JAM2: variants seen among roughly 807,000 people sequenced by gnomAD.
The protein encoded by JAM2 is junctional adhesion molecule 2.
JAM2 carries 17 observed loss-of-function variants against 42.0 expected under a neutral mutation model. The ratio of observed to expected loss-of-function variants is 0.40; its 90% confidence interval spans 0.28 to 0.61. The LOEUF is 0.61. Ranked by LOEUF, JAM2 falls within the 20% of genes least tolerant of loss-of-function variation. The pLI is 0.37. For missense variants in JAM2, 319 were observed against 358.3 expected (o/e 0.89, Z 0.89); for synonymous variants, 118 against 128.6 (o/e 0.92, Z 0.56).
At chr21:25,645,299 C>G (rs954051831) in intron 1 of JAM2, among the ~76,000 whole-genome samples, 1 of 152,198 alleles carries the variant, frequency 6.6e-6, no homozygotes. Context: ...AGGTTAACAC[C>G]TGTATTATGT....
At chr21:25,640,751 C>T (rs1197522689) in intron 1 of JAM2, among the ~76,000 whole-genome samples, 1 of 152,162 alleles carries the variant, frequency 6.6e-6, no homozygotes, top group Non-Finnish European at 1.5e-5. Context: ...TTTTTTCTCT[C>T]ACCTTTTTTG....
intron 1 of JAM2, among the ~76,000 whole-genome samples, chr21:25,667,834 C>T (rs1311009005): frequency 3.9e-5 from 6 of 152,036 alleles, no homozygotes; most frequent in Admixed American, 3.3e-4. Flanking sequence ...AGTACATAAA[C>T]ACATATATAA....
At chr21:25,648,937 C>T (rs980697031) in intron 1 of JAM2, among the ~76,000 whole-genome samples, 1 of 152,168 alleles carries the variant, frequency 6.6e-6, no homozygotes, top group Non-Finnish European at 1.5e-5. Context: ...AACCTCAAGA[C>T]ATATGTAAAA....
intron 1 of JAM2, among the ~76,000 whole-genome samples, chr21:25,674,192 G>C (rs1017879156): frequency 6.6e-6 from 1 of 152,040 alleles, no homozygotes; most frequent in Admixed American, 6.6e-5. Flanking sequence ...TCAGGAGTTC[G>C]AGACCAGCCT....
chr21:25,642,275 C>T lies in JAM2; in HGVS notation c.67+2387C>T, dbSNP rs148606296. ...GAGTATCTTCATAAATTATTTGGAG[C>T]TCTTCTGCATGGGAGATGGGTCTCT... On this transcript the variant is annotated intron_variant, in intron 1 of 9. Transcript: ENST00000480456. 3.6e-3 allele frequency among the ~76,000 whole-genome samples: 551 copies of T among 152,166 alleles called. 4 individuals carry two copies. Among genetic ancestry groups the T allele is most frequent in the African/African-American group, 0.013 (523 of 41,498 alleles).
Position 25,678,082 on chromosome 21 carries a change from C to T in JAM2, c.68-5801C>T, listed in dbSNP as rs12481863. Among the ~76,000 whole-genome samples the T allele has an allele frequency of 9.4e-3, 1,424 of 152,016 alleles. 30 individuals are homozygous for T. Among genetic ancestry groups the T allele is most frequent in the Admixed American group, 0.046 (704 of 15,252 alleles). Reference sequence around the variant, plus strand: ...CTCTACTAAAAATACAAAAATTAGCCGGGTGTGGTGACGCATGCCTGTAAT... The same window carrying T: ...CTCTACTAAAAATACAAAAATTAGCTGGGTGTGGTGACGCATGCCTGTAAT... On this transcript the variant is annotated intron_variant, in intron 1 of 9. Transcript: ENST00000480456.
intron 6 of JAM2, among the ~76,000 whole-genome samples, chr21:25,704,238 A>G (rs2034226906): frequency 6.6e-6 from 1 of 152,106 alleles, no homozygotes; most frequent in African/African-American, 2.4e-5. Flanking sequence ...GCTCTTTTTA[A>G]TCCAAGTAAA....
intron 6 of JAM2, among the ~76,000 whole-genome samples, chr21:25,703,572 C>T (rs1451552343): frequency 1.3e-5 from 2 of 151,830 alleles, no homozygotes; most frequent in Admixed American, 6.6e-5. Context: ...TCACATGTAA[C>T]CAAAATTAGA....
intron 1 of JAM2, among the ~76,000 whole-genome samples, chr21:25,665,509 A>T (rs2033195323): frequency 6.6e-6 from 1 of 152,178 alleles, no homozygotes; most frequent in Non-Finnish European, 1.5e-5. Flanking sequence ...ATGTGTGTGC[A>T]TGTATGTACA....
At position 25,712,346 on chromosome 21, in the gene JAM2, T is replaced by A; in HGVS notation, c.828T>A (p.Ser276Arg). Reference protein sequence around the residue: ...YFSKETSFQKSNSSSKATTMS... With the variant: ...YFSKETSFQKRNSSSKATTMS... ...TTTTATATTCCACAAACAGGAAGAGTAATTCTTCATCTAAAGCCACGACAA... is the reference window on the plus strand; with the variant it reads ...TTTTATATTCCACAAACAGGAAGAGAAATTCTTCATCTAAAGCCACGACAA... Residue 276 changes from serine to arginine, a missense_variant, in exon 9 of 10, where the codon AGT becomes AGA. Transcript: ENST00000480456. The A allele has an allele frequency of 1.3e-6, 2 of 1,589,166 alleles. No homozygotes were observed. Among genetic ancestry groups the A allele is most frequent in the Non-Finnish European group, 1.7e-6 (2 of 1,158,286 alleles).
At chr21:25,711,752 GCAGAGGGGAGACAT>G (rs2123421036) in intron 8 of JAM2, among the ~76,000 whole-genome samples, 1 of 152,314 alleles carries the variant, frequency 6.6e-6, no homozygotes, top group East Asian at 1.9e-4. Context: ...AAGGTTTTGA[GCAGAGGGGAGACAT>G]CATCTTACGT....
At position 25,702,151 on chromosome 21, in the gene JAM2, T is replaced by A. The variant is rs770782534; in HGVS notation, c.598-19T>A. 7.3e-7 allele frequency: 1 copy of A among 1,371,882 alleles called. No individual in the cohort carries two copies. Among genetic ancestry groups the A allele is most frequent in the Admixed American group, 1.7e-5 (1 of 57,722 alleles). 85.0% of individuals were successfully genotyped at this position (1,371,882 alleles called of 1,614,324 possible). On this transcript the variant is annotated intron_variant, in intron 5 of 9. Coordinates refer to ENST00000480456, the MANE Select transcript of JAM2 (RefSeq NM_021219.4). The stretch of plus-strand genomic sequence containing the variant: ...TAGATCTATGGCTTAAAAAAATATA[T>A]TTTTGCATCCACAAATAGCAATTTA...
chr21:25,702,143 A>G, intron 5 of JAM2, 27 bp from the exon 6 acceptor site: 1 of 1,305,746 alleles, frequency 7.7e-7, no homozygotes, highest in Non-Finnish European at 1.1e-6. Context: ...ATGGCTTAAA[A>G]AAATATATTT....
At chr21:25,674,802 A>G (rs1251427301) in intron 1 of JAM2, among the ~76,000 whole-genome samples, 1 of 151,558 alleles carries the variant, frequency 6.6e-6, no homozygotes. Flanking sequence ...GACGATAATG[A>G]GATAGATGAC....
rs2032355332 is a variant in JAM2 at position 25,639,390 on chromosome 21, C to G, written c.-432C>G. On this transcript the variant is annotated 5_prime_UTR_variant, in exon 1 of 10. Transcript: ENST00000480456. The stretch of plus-strand genomic sequence containing the variant: ...CCCAGCCTGCCCGCGCCTCCCGCCC[C>G]CAGCTCCTCGCCCTGGGGACAGCTG... The G allele has an allele frequency of 6.2e-6, 1 of 161,628 alleles. No individual in the cohort carries two copies. Among genetic ancestry groups the G allele is most frequent in the Admixed American group, 6.4e-5 (1 of 15,528 alleles). 10.0% of individuals were successfully genotyped at this position (161,628 alleles called of 1,614,324 possible).
Position 25,698,802 on chromosome 21 carries a change from C to T in JAM2, c.520C>T (p.Arg174Cys), listed in dbSNP as rs376448928. ...ATACACATGGTTTAAGGATGGCATCCGTTTGCTAGAAAATCCCAGACTTGG... is the reference window on the plus strand; with the variant it reads ...ATACACATGGTTTAAGGATGGCATCTGTTTGCTAGAAAATCCCAGACTTGG... ...PEYTWFKDGI[R>C]LLENPRLGSQ... is the part of the protein sequence containing the mutation. Residue 174 changes from arginine to cysteine, a missense_variant, in exon 5 of 10, where the codon CGT becomes TGT. Transcript: ENST00000480456. 17 of 1,613,982 alleles carry T rather than the reference C, an allele frequency of 1.1e-5. No homozygotes were observed. The highest frequency in any genetic ancestry group is 4.0e-5 in the African/African-American group (3 of 74,894).
chr21:25,688,295 C>T (rs143211474), intron 2 of JAM2, among the ~76,000 whole-genome samples: 60 of 136,164 alleles, frequency 4.4e-4, no homozygotes, highest in Middle Eastern at 3.8e-3. Context: ...CGCGCCCACA[C>T]GCACGCACAC....
intron 1 of JAM2, among the ~76,000 whole-genome samples, chr21:25,655,484 T>TTC (rs2032909148): frequency 9.9e-6 from 1 of 100,730 alleles, no homozygotes; most frequent in Non-Finnish European, 1.9e-5. Flanking sequence ...ACATCAGCTC[T>TTC]TTTTTTTTTT....
intron 1 of JAM2, among the ~76,000 whole-genome samples, chr21:25,670,208 G>A (rs182207031): frequency 4.6e-5 from 7 of 152,036 alleles, no homozygotes; most frequent in East Asian, 1.9e-4. Flanking sequence ...CCTTGGCTGC[G>A]CATGGTGGCT....
Sources: gnomAD v4.1 joint callset for allele counts (sites outside exome capture counted in the v4.1 genomes callset) on GRCh38, gnomAD v4.1.1 for gene constraint, MANE v1.5 for transcripts, NCBI Gene and HGNC (gene_info 2026-07-23, HGNC 2026-07-21) for gene names.